JAZF1: variants seen among roughly 807,000 people sequenced by gnomAD.
JAZF1 encodes the protein JAZF zinc finger 1, also known as juxtaposed with another zinc finger protein 1.
Under a neutral mutation model 26.4 loss-of-function variants are expected in JAZF1, and 8 were observed. The observed-to-expected ratio is 0.30, with a 90% CI of 0.18 to 0.55. The LOEUF (loss-of-function observed/expected upper bound fraction) is 0.55, where lower values mean the gene tolerates loss of function less well. Among genes scored for constraint, JAZF1 ranks in the 20% least tolerant of loss-of-function variants. The pLI, the probability that JAZF1 is intolerant of heterozygous loss-of-function variation, is 0.94. For missense variants in JAZF1, 199 were observed against 322.0 expected (o/e 0.62, Z 2.92); for synonymous variants, 126 against 122.3 (o/e 1.03, Z -0.20).
At chr7:28,104,281 C>T (rs1205372495) in intron 1 of JAZF1, among the ~76,000 whole-genome samples, 1 of 152,210 alleles carries the variant, frequency 6.6e-6, no homozygotes, top group Non-Finnish European at 1.5e-5. Flanking sequence ...CCCAACATAA[C>T]TTTTGTTTCA....
intron 1 of JAZF1, among the ~76,000 whole-genome samples, chr7:28,058,951 T>C (rs983730060): frequency 6.6e-6 from 1 of 152,192 alleles, no homozygotes; most frequent in East Asian, 1.9e-4. Flanking sequence ...GTTACTGTTT[T>C]TTTGCCTGCT....
intron 2 of JAZF1, among the ~76,000 whole-genome samples, chr7:27,907,044 G>A (rs1395351966): frequency 7.0e-6 from 1 of 143,514 alleles, no homozygotes; most frequent in Admixed American, 7.3e-5. Context: ...TTTAAAAACT[G>A]AAGAGAAAGT....
intron 3 of JAZF1, among the ~76,000 whole-genome samples, chr7:27,857,020 G>A (rs770870195): frequency 2.0e-5 from 3 of 152,268 alleles, no homozygotes; most frequent in Non-Finnish European, 2.9e-5. Context: ...AGGGCCGCAG[G>A]TGGAGCTGCC....
intron 2 of JAZF1, among the ~76,000 whole-genome samples, chr7:27,907,449 T>TG (rs1176725067): frequency 2.0e-5 from 3 of 152,204 alleles, no homozygotes; most frequent in African/African-American, 7.2e-5. Flanking sequence ...GGTAATTTCT[T>TG]GGGGGAACCT....
At chr7:27,841,015 A>C in intron 3 of JAZF1, 148 bp from the exon 4 acceptor site, 1 of 710,036 alleles carries the variant, frequency 1.4e-6, no homozygotes, top group South Asian at 1.8e-5. Context: ...GGGACTGCAA[A>C]CACGGCTATT....
At chr7:28,171,952 G>A (rs1270300273) in intron 1 of JAZF1, among the ~76,000 whole-genome samples, 1 of 152,104 alleles carries the variant, frequency 6.6e-6, no homozygotes, top group Non-Finnish European at 1.5e-5. Flanking sequence ...AAAATTGAAT[G>A]TTATAAAATG....
rs547227820 is a variant in JAZF1, at chr7:27,901,952, C to G, written c.189-6536G>C. On this transcript the variant is annotated intron_variant, in intron 2 of 4. Transcript: ENST00000283928. ...ATTATAAGAAACGTATCTCACGGTG[C>G]GACCTGGTGCGCTCACATGTATAAA... Among the ~76,000 whole-genome samples the G allele has an allele frequency of 3.3e-5, 5 of 152,256 alleles. No homozygotes were observed. The South Asian group carries it at 1.0e-3, about 32-fold the overall frequency.
intron 1 of JAZF1, among the ~76,000 whole-genome samples, chr7:28,025,156 T>C (rs1418307998): frequency 6.6e-6 from 1 of 152,168 alleles, no homozygotes; most frequent in Non-Finnish European, 1.5e-5. Context: ...GTTACTGGCT[T>C]AGTCACACTC....
chr7:28,115,463 A>G (rs933376461), intron 1 of JAZF1, among the ~76,000 whole-genome samples: 3 of 152,180 alleles, frequency 2.0e-5, no homozygotes, highest in Non-Finnish European at 4.4e-5. Context: ...TGACTACCAT[A>G]ACGGACAGCA....
intron 1 of JAZF1, among the ~76,000 whole-genome samples, chr7:28,151,109 A>T (rs200118763): frequency 0.21 from 11,724 of 54,662 alleles, 1,503 homozygotes; most frequent in African/African-American, 0.48. Context: ...ATATATATAT[A>T]TATTTTTTTT....
intron 1 of JAZF1, among the ~76,000 whole-genome samples, chr7:28,112,217 C>T (rs1357106246): frequency 4.6e-5 from 7 of 152,092 alleles, no homozygotes; most frequent in African/African-American, 1.2e-4. Flanking sequence ...AAATTGGCAA[C>T]GGAAAGAAAC....
intron 1 of JAZF1, among the ~76,000 whole-genome samples, chr7:28,111,601 A>G (rs192164328): frequency 6.6e-5 from 10 of 152,348 alleles, no homozygotes; most frequent in African/African-American, 2.2e-4. Flanking sequence ...AATAAAATCT[A>G]TGCTATTCAT....
intron 3 of JAZF1, among the ~76,000 whole-genome samples, chr7:27,861,877 G>A (rs1783387679): frequency 6.6e-6 from 1 of 152,240 alleles, no homozygotes; most frequent in Non-Finnish European, 1.5e-5. Context: ...CCTGGGTGGT[G>A]TGAGTGGCTG....
chr7:28,067,036 C>G (rs1296117878), intron 1 of JAZF1, among the ~76,000 whole-genome samples: 1 of 152,100 alleles, frequency 6.6e-6, no homozygotes, highest in South Asian at 2.1e-4. Flanking sequence ...ACCTGCCTAC[C>G]CTTGAAAATG....
chr7:28,060,297 T>G (rs901842095), intron 1 of JAZF1, among the ~76,000 whole-genome samples: 2 of 152,238 alleles, frequency 1.3e-5, no homozygotes, highest in African/African-American at 2.4e-5. Context: ...GTCTGATAAA[T>G]TCAGTACCTG....
chr7:28,151,083 G>A (rs1447550759), intron 1 of JAZF1, among the ~76,000 whole-genome samples: 1 of 142,620 alleles, frequency 7.0e-6, no homozygotes, highest in Non-Finnish European at 1.5e-5. Context: ...CTCTTGGGAG[G>A]GGGGATTTTC....
At chr7:28,149,142 G>A (rs918486130) in intron 1 of JAZF1, among the ~76,000 whole-genome samples, 1 of 152,134 alleles carries the variant, frequency 6.6e-6, no homozygotes, top group African/African-American at 2.4e-5. Flanking sequence ...TGTGCTACCA[G>A]GGAGCATTCA....
intron 3 of JAZF1, among the ~76,000 whole-genome samples, chr7:27,860,464 CCT>C (rs1783360017): frequency 6.6e-6 from 1 of 152,186 alleles, no homozygotes; most frequent in Non-Finnish European, 1.5e-5. Context: ...ATCTCCACAA[CCT>C]CTGTTGTGAT....
At chr7:28,119,795 A>T (rs1784808024) in intron 1 of JAZF1, among the ~76,000 whole-genome samples, 1 of 152,222 alleles carries the variant, frequency 6.6e-6, no homozygotes, top group African/African-American at 2.4e-5. Flanking sequence ...GGCATTTGGG[A>T]CATATCAATT....
Sources: gnomAD v4.1 joint callset for allele counts (sites outside exome capture counted in the v4.1 genomes callset) on GRCh38, gnomAD v4.1.1 for gene constraint, MANE v1.5 for transcripts, NCBI Gene and HGNC (gene_info 2026-07-23, HGNC 2026-07-21) for gene names.